Variants in GLIS3 observed in about 807,000 individuals in gnomAD.
GLIS3 encodes the protein GLIS family zinc finger 3, also known as zinc finger protein GLIS3.
In GLIS3, 53 loss-of-function variants were observed where a neutral mutation model predicts 78.6. That is an observed-to-expected ratio of 0.67 (90% CI 0.54 to 0.85). The LOEUF (loss-of-function observed/expected upper bound fraction) is 0.85, where lower values mean the gene tolerates loss of function less well. Among genes scored for constraint, GLIS3 ranks in the 40% least tolerant of loss-of-function variants. The pLI is 0.00. For synonymous variants in GLIS3, 684 were observed against 509.9 expected, an observed-to-expected ratio of 1.34 and a Z score of -4.60; for missense variants, 1,703 against 1,231.1, an observed-to-expected ratio of 1.38 and a Z score of -5.74.
At chr9:3,861,529 A>C (rs1053711872) in intron 8 of GLIS3, among the ~76,000 whole-genome samples, 2 of 72,796 alleles carry the variant, frequency 2.7e-5, no homozygotes, top group Non-Finnish European at 5.2e-5. Context: ...AAAACAGGGA[A>C]TCAATCCAAA....
chr9:3,866,802 A>G (rs1820619336), intron 8 of GLIS3, among the ~76,000 whole-genome samples: 2 of 152,248 alleles, frequency 1.3e-5, no homozygotes, highest in African/African-American at 4.8e-5. Context: ...AGGTGTGAAC[A>G]TATATTCCAT....
chr9:3,907,636 ACACACACACACACACACACT>A (rs1466494185), intron 6 of GLIS3, among the ~76,000 whole-genome samples: 1 of 150,606 alleles, frequency 6.6e-6, no homozygotes, highest in East Asian at 1.9e-4. Context: ...ACACACACAC[ACACACACACACACACACACT>A]ACTAAACAGT....
rs1588551520 is a variant in GLIS3, at chr9:4,053,916, C to G, written c.1710+63852G>C. ...GTTGTTTTTGTTCCTGAGGTAAAGA[C>G]AGTTTGCTTCAGGCTTTGAGTTTTG... On this transcript the variant is annotated intron_variant, in intron 4 of 10. Coordinates refer to ENST00000381971, the MANE Select transcript of GLIS3 (RefSeq NM_001042413.2). Among the ~76,000 whole-genome samples the G allele has an allele frequency of 2.6e-5, 4 of 152,118 alleles. No homozygotes were observed. In the South Asian group the frequency reaches 8.3e-4, roughly 31 times the overall value.
intron 4 of GLIS3, among the ~76,000 whole-genome samples, chr9:3,972,925 C>CA (rs1050197003): frequency 6.6e-6 from 1 of 152,070 alleles, no homozygotes; most frequent in African/African-American, 2.4e-5. Context: ...ACGCTGATTG[C>CA]AAGAGTTAAG....
chr9:4,132,092 A>G (rs776962351), intron 2 of GLIS3, among the ~76,000 whole-genome samples: 21 of 151,868 alleles, frequency 1.4e-4, no homozygotes, highest in Admixed American at 4.6e-4. Context: ...ATCACAGAAG[A>G]AAAGTTTCCT....
At chr9:4,091,519 A>G (rs2755087) in intron 4 of GLIS3, among the ~76,000 whole-genome samples, 104,667 of 151,930 alleles carry the variant, frequency 0.69, 36,402 homozygotes, top group African/African-American at 0.77. Context: ...GACTACACGC[A>G]CACGTGCACA....
At chr9:4,020,084 T>C (rs984057589) in intron 4 of GLIS3, among the ~76,000 whole-genome samples, 6 of 151,982 alleles carry the variant, frequency 3.9e-5, no homozygotes, top group African/African-American at 1.5e-4. Flanking sequence ...CAGTAGACCT[T>C]ATGGAGAAGG....
intron 2 of GLIS3, among the ~76,000 whole-genome samples, chr9:4,323,141 G>C (rs1393826975): frequency 6.6e-6 from 1 of 152,126 alleles, no homozygotes; most frequent in Non-Finnish European, 1.5e-5. Context: ...TGGCTAGCCA[G>C]TTTTCCCAGC....
Position 4,112,314 on chromosome 9 carries a change from C to G in GLIS3, c.1710+5454G>C, listed in dbSNP as rs571291681. On this transcript the variant is annotated intron_variant, in intron 4 of 10. Coordinates refer to ENST00000381971, the MANE Select transcript of GLIS3 (RefSeq NM_001042413.2). ...CAAGAGAACATTAAACTACCCTAAT[C>G]ATTGTCAGGACATTGATAATAATGT... Among the ~76,000 whole-genome samples, 4 of 152,286 alleles carry G rather than the reference C, an allele frequency of 2.6e-5. No individual in the cohort carries two copies. In the South Asian group the frequency reaches 8.3e-4, roughly 32 times the overall value.
At chr9:3,960,768 A>T (rs968813710) in intron 4 of GLIS3, among the ~76,000 whole-genome samples, 17 of 152,228 alleles carry the variant, frequency 1.1e-4, no homozygotes, top group African/African-American at 4.1e-4. Flanking sequence ...TGAGGTCAGC[A>T]CTACCCACTG....
chr9:4,128,828 G>C (rs1016009376), intron 2 of GLIS3, among the ~76,000 whole-genome samples: 1 of 152,104 alleles, frequency 6.6e-6, no homozygotes, highest in Non-Finnish European at 1.5e-5. Flanking sequence ...TATCTCCCTA[G>C]TATCTCCACA....
intron 4 of GLIS3, among the ~76,000 whole-genome samples, chr9:4,031,544 T>G (rs917649645): frequency 6.6e-6 from 1 of 152,234 alleles, no homozygotes; most frequent in Non-Finnish European, 1.5e-5. Context: ...ATGATAATGT[T>G]TCAAAACTTG....
At chr9:4,160,431 T>G (rs866539783) in intron 2 of GLIS3, among the ~76,000 whole-genome samples, 2 of 152,236 alleles carry the variant, frequency 1.3e-5, no homozygotes, top group African/African-American at 4.8e-5. Context: ...AATGCCTTAT[T>G]TTGTCAGAAA....
chr9:4,341,555 G>T (rs1444110888), intron 2 of GLIS3, among the ~76,000 whole-genome samples: 1 of 151,992 alleles, frequency 6.6e-6, no homozygotes, highest in Non-Finnish European at 1.5e-5. Flanking sequence ...ATTCTCTTCT[G>T]TCCTCAGACC....
At chr9:4,479,053 T>C in the GLIS3 span, among the ~76,000 whole-genome samples, 3 of 152,178 alleles carry the variant, frequency 2.0e-5, no homozygotes, top group African/African-American at 7.2e-5. Flanking sequence ...GTACCTTTAT[T>C]TTTTTAAATA....
At chr9:4,229,257 A>C (rs561266301) in intron 2 of GLIS3, among the ~76,000 whole-genome samples, 1 of 152,362 alleles carries the variant, frequency 6.6e-6, no homozygotes, top group East Asian at 1.9e-4. Context: ...AATCGCTTTC[A>C]CTTTGTGCAA....
chr9:4,068,188 C>T (rs1244086011), intron 4 of GLIS3, among the ~76,000 whole-genome samples: 1 of 151,908 alleles, frequency 6.6e-6, no homozygotes, highest in Non-Finnish European at 1.5e-5. Context: ...AAACTTAAGG[C>T]AAATTTTAAA....
intron 4 of GLIS3, among the ~76,000 whole-genome samples, chr9:3,960,338 A>C (rs900766430): frequency 6.6e-6 from 1 of 152,086 alleles, no homozygotes; most frequent in Admixed American, 6.5e-5. Context: ...TGAGACAATA[A>C]ATTTCTGTTA....
chr9:4,051,086 C>T (rs115810388), intron 4 of GLIS3, among the ~76,000 whole-genome samples: 3 of 152,318 alleles, frequency 2.0e-5, no homozygotes, highest in African/African-American at 4.8e-5. Context: ...GATAAGCTCC[C>T]GTGAGGCCTA....
Sources: allele counts gnomAD v4.1 joint callset (sites outside exome capture counted in the v4.1 genomes callset), GRCh38; gene constraint gnomAD v4.1.1; transcripts MANE v1.5; gene names NCBI Gene and HGNC (gene_info 2026-07-23, HGNC 2026-07-21).